The following SLC35D1 variants were observed in gnomAD, a reference collection of about 807,000 sequenced individuals.
The protein encoded by SLC35D1 is solute carrier family 35 member D1.
In SLC35D1, 31 loss-of-function variants were observed where a neutral mutation model predicts 46.7. The observed-to-expected ratio is 0.66, with a 90% CI of 0.50 to 0.90. SLC35D1 has a LOEUF of 0.90. SLC35D1 is among the 40% of genes least tolerant of loss of function. The probability of loss-of-function intolerance (pLI) is 0.00; values close to 1 mark genes in which losing one functional copy is unlikely to be tolerated. For missense variants in SLC35D1, 397 were observed against 426.2 expected, an observed-to-expected ratio of 0.93 and a Z score of 0.60; for synonymous variants, 195 against 164.6, an observed-to-expected ratio of 1.18 and a Z score of -1.41.
Position 67,036,172 on chromosome 1 carries a change from G to A in SLC35D1, c.729+6064C>T, listed in dbSNP as rs556860640. Among the ~76,000 whole-genome samples the A allele has an allele frequency of 2.0e-5, 3 of 152,126 alleles. No homozygotes were observed. In the South Asian group the frequency reaches 6.2e-4, roughly 31 times the overall value. On this transcript the variant is annotated intron_variant, in intron 8 of 11. Coordinates refer to ENST00000235345, the MANE Select transcript of SLC35D1 (RefSeq NM_015139.3). ...GTATCCTGCAGCCACTGGACGAAAT[G>A]TTCCGTAAATATCTATTAGACCCAT...
the SLC35D1 span, among the ~76,000 whole-genome samples, chr1:66,981,531 G>C: frequency 2.0e-5 from 3 of 152,078 alleles, no homozygotes; most frequent in Non-Finnish European, 4.4e-5. Context: ...AACTTTACAA[G>C]CTTTAAAATT....
intron 10 of SLC35D1, among the ~76,000 whole-genome samples, chr1:67,015,528 T>C (rs760848392): frequency 2.0e-5 from 3 of 152,006 alleles, no homozygotes; most frequent in Non-Finnish European, 2.9e-5. Context: ...CAGCTGGAAC[T>C]ACAGGTGCAT....
intron 8 of SLC35D1, among the ~76,000 whole-genome samples, chr1:67,024,903 C>CG (rs1667886572): frequency 1.3e-5 from 2 of 152,176 alleles, no homozygotes; most frequent in African/African-American, 4.8e-5. Flanking sequence ...ACCACCATAT[C>CG]TGGCTAATAT....
intron 1 of SLC35D1, 131 bp downstream of exon 1, chr1:67,053,680 C>T: frequency 1.1e-6 from 1 of 899,650 alleles, no homozygotes; most frequent in Non-Finnish European, 1.5e-6. Flanking sequence ...GTCAGCCGCC[C>T]GCCCTCCCCA....
At chr1:67,042,911 A>G (rs1645208928) in intron 7 of SLC35D1, among the ~76,000 whole-genome samples, 1 of 151,932 alleles carries the variant, frequency 6.6e-6, no homozygotes, top group Admixed American at 6.6e-5. Flanking sequence ...AAAAAATACA[A>G]AAACAGCCAG....
intron 1 of SLC35D1, 43 bp downstream of exon 1, chr1:67,053,768 C>G: frequency 2.1e-6 from 3 of 1,456,324 alleles, no homozygotes; most frequent in Non-Finnish European, 1.8e-6. Flanking sequence ...CGCCGCCGCC[C>G]GCTCCTCCTC....
At chr1:67,020,195 C>T (rs1570617780) in intron 10 of SLC35D1, among the ~76,000 whole-genome samples, 174 bp downstream of exon 10, 1 of 152,182 alleles carries the variant, frequency 6.6e-6, no homozygotes. Context: ...AGAGACTATG[C>T]CCTCCCTGCA....
downstream of SLC35D1, among the ~76,000 whole-genome samples, chr1:66,995,202 G>C (rs1253019949): frequency 6.6e-6 from 1 of 151,934 alleles, no homozygotes; most frequent in African/African-American, 2.4e-5. Context: ...GTTCAACTTA[G>C]TCACGCTGGT....
At chr1:66,991,326 GGAGAA>G in the SLC35D1 span, among the ~76,000 whole-genome samples, 1 of 152,298 alleles carries the variant, frequency 6.6e-6, no homozygotes, top group Non-Finnish European at 1.5e-5. Context: ...GGGAGGCTGG[GGAGAA>G]GAGAAGAAAC....
chr1:66,999,267 T>C (rs1483116863), downstream of SLC35D1: 1 of 152,382 alleles, frequency 6.6e-6, no homozygotes, highest in East Asian at 1.9e-4. Flanking sequence ...AACAGTATTT[T>C]CTACATATGG....
chr1:66,974,884 A>G, the SLC35D1 span, among the ~76,000 whole-genome samples: 1 of 152,294 alleles, frequency 6.6e-6, no homozygotes, highest in Admixed American at 6.5e-5. Flanking sequence ...ATTTTTCATA[A>G]TCTTAACTTT....
In SLC35D1 at chr1:67,054,051, G is replaced by C. The variant is rs984826262; in HGVS notation, c.-38C>G. The C allele has an allele frequency of 1.2e-6, 2 of 1,600,064 alleles. No homozygotes were observed. Among genetic ancestry groups the C allele is most frequent in the Non-Finnish European group, 1.7e-6 (2 of 1,171,978 alleles). On this transcript the variant is annotated 5_prime_UTR_variant, in exon 1 of 12. Transcript: ENST00000235345. ...AGCGGTGGCCTGGCGGCGGGGCCTA[G>C]CGGCTCGGGGGCCTGCAGCGGCAGC...
chr1:66,975,542 G>A, the SLC35D1 span, among the ~76,000 whole-genome samples: 1 of 93,276 alleles, frequency 1.1e-5, no homozygotes, highest in African/African-American at 3.5e-5. Context: ...AAAAGAAAAA[G>A]AAAGGAAAAA....
At chr1:67,034,180 T>C (rs1668077906) in intron 8 of SLC35D1, among the ~76,000 whole-genome samples, 1 of 152,228 alleles carries the variant, frequency 6.6e-6, no homozygotes, top group African/African-American at 2.4e-5. Context: ...TCTGGGTCTT[T>C]TGTGGTTCCA....
At chr1:66,998,960 G>A (rs1213686112), downstream of SLC35D1, among the ~76,000 whole-genome samples, 3 of 152,170 alleles carry the variant, frequency 2.0e-5, no homozygotes, top group South Asian at 2.1e-4. Context: ...GCTTAAAAAT[G>A]TCTAAGATGG....
intron 10 of SLC35D1, among the ~76,000 whole-genome samples, chr1:67,018,446 C>T (rs1393973694): frequency 6.6e-6 from 1 of 152,094 alleles, no homozygotes; most frequent in Non-Finnish European, 1.5e-5. Context: ...CTAAGCAAGG[C>T]TGGCTATCAA....
chr1:66,985,429 C>A, the SLC35D1 span: 1 of 983,218 alleles, frequency 1.0e-6, no homozygotes, highest in Non-Finnish European at 1.2e-6. Context: ...GAAAATTATG[C>A]TAGCATGATT....
intron 10 of SLC35D1, among the ~76,000 whole-genome samples, chr1:67,014,925 T>C (rs1215329512): frequency 6.6e-6 from 1 of 151,444 alleles, no homozygotes; most frequent in Non-Finnish European, 1.5e-5. Context: ...GATTAACTCC[T>C]CCAGGCATTG....
At chr1:67,015,739 T>C (rs1667671636) in intron 10 of SLC35D1, among the ~76,000 whole-genome samples, 1 of 152,154 alleles carries the variant, frequency 6.6e-6, no homozygotes, top group Non-Finnish European at 1.5e-5. Context: ...AAAAATAATT[T>C]TTAAAATTTT....
Sources: allele counts gnomAD v4.1 joint callset (sites outside exome capture counted in the v4.1 genomes callset), GRCh38; gene constraint gnomAD v4.1.1; transcripts MANE v1.5; gene names NCBI Gene and HGNC (gene_info 2026-07-23, HGNC 2026-07-21).